Variants in SLC22A23 observed in about 807,000 individuals in gnomAD.
SLC22A23 encodes ion transporter protein.
In SLC22A23, 26 loss-of-function variants were observed where a neutral mutation model predicts 61.0. The ratio of observed to expected loss-of-function variants is 0.43; its 90% CI spans 0.31 to 0.59. The LOEUF is 0.59. Ranked by LOEUF, SLC22A23 falls within the 20% of genes least tolerant of loss-of-function variation. SLC22A23 has a pLI of 0.11. For missense variants in SLC22A23, 796 were observed against 934.7 expected, an observed-to-expected ratio of 0.85 and a Z score of 1.94; for synonymous variants, 430 against 413.9, an observed-to-expected ratio of 1.04 and a Z score of -0.47.
chr6:3,345,363 CTT>C lies in SLC22A23; in HGVS notation c.914-21363_914-21362del, dbSNP rs1163840651. ...AGTACCAGTAGTTTATATCTCTTTTCTTTTTTTTTTTTTTTTTTTGAGACAGA... is the reference window on the plus strand; with the variant it reads ...AGTACCAGTAGTTTATATCTCTTTTCTTTTTTTTTTTTTTTTTGAGACAGA... On this transcript the variant is annotated intron_variant, in intron 3 of 9. Coordinates refer to ENST00000406686, the MANE Select transcript of SLC22A23 (RefSeq NM_015482.2). Among the ~76,000 whole-genome samples, 611 of 124,738 alleles carry C rather than the reference CTT, an allele frequency of 4.9e-3. 1 individual carries two copies. Among genetic ancestry groups the C allele is most frequent in the African/African-American group, 0.017 (556 of 32,432 alleles). The allele number at this position is 124,738 out of a possible 152,430, so 81.8% of individuals were successfully genotyped here.
chr6:3,442,781 T>C (rs6926147), intron 1 of SLC22A23, among the ~76,000 whole-genome samples: 81,712 of 151,674 alleles, frequency 0.54, 22,308 homozygotes, highest in Middle Eastern at 0.74. Context: ...TTGAATTAAA[T>C]TACATAAAGG....
At chr6:3,407,112 G>T (rs1768892988) in intron 3 of SLC22A23, among the ~76,000 whole-genome samples, 1 of 152,196 alleles carries the variant, frequency 6.6e-6, no homozygotes, top group East Asian at 1.9e-4. Flanking sequence ...AAACCTTATG[G>T]TTGGAGGAAG....
intron 1 of SLC22A23, among the ~76,000 whole-genome samples, chr6:3,443,703 C>T (rs1253199839): frequency 6.6e-6 from 1 of 152,152 alleles, no homozygotes; most frequent in Non-Finnish European, 1.5e-5. Context: ...CCCAGCCCTG[C>T]GTAACCTCAC....
intron 3 of SLC22A23, among the ~76,000 whole-genome samples, chr6:3,393,134 G>A (rs931891420): frequency 2.0e-5 from 3 of 152,208 alleles, no homozygotes; most frequent in African/African-American, 7.2e-5. Flanking sequence ...GACCAAGCCT[G>A]TGGCAGCCTG....
chr6:3,382,670 C>G (rs1238670613), intron 3 of SLC22A23, among the ~76,000 whole-genome samples: 11 of 152,266 alleles, frequency 7.2e-5, no homozygotes, highest in African/African-American at 2.6e-4. Context: ...ATTGTAACAC[C>G]CATTTGTTTA....
intron 3 of SLC22A23, among the ~76,000 whole-genome samples, chr6:3,403,583 G>A (rs755456422): frequency 2.0e-5 from 3 of 152,140 alleles, no homozygotes; most frequent in South Asian, 2.1e-4. Flanking sequence ...TGGCGCAGCA[G>A]CCACACAGCG....
chr6:3,399,349 T>C (rs1768224915), intron 3 of SLC22A23, among the ~76,000 whole-genome samples: 1 of 152,160 alleles, frequency 6.6e-6, no homozygotes, highest in Admixed American at 6.5e-5. Context: ...GAACTGTTTT[T>C]CCCCCAGAAG....
rs566660150 is a variant in SLC22A23 at position 3,269,677 on chromosome 6, G to A, written c.*3378C>T. Reference sequence around the variant, plus strand: ...CTCAAGGACAGGGAGGGAAGTGTTCGCCGCTAGACATGACACACCATACTG... The same window carrying A: ...CTCAAGGACAGGGAGGGAAGTGTTCACCGCTAGACATGACACACCATACTG... On this transcript the variant is annotated 3_prime_UTR_variant, in exon 10 of 10. Transcript: ENST00000406686. 3.9e-5 allele frequency: 6 copies of A among 152,854 alleles called. No homozygotes were observed. Among genetic ancestry groups the A allele is most frequent in the South Asian group, 2.1e-4 (1 of 4,824 alleles). The allele number at this position is 152,854 out of a possible 1,614,324, so 9.5% of individuals were successfully genotyped here.
At position 3,297,583 on chromosome 6, in the gene SLC22A23, G is replaced by A. The variant is rs888299870; in HGVS notation, c.1210+508C>T. On this transcript the variant is annotated intron_variant, in intron 5 of 9. Transcript: ENST00000406686. This position sits in a 1 kb window ranked among gnomAD's most constrained non-coding sequence, Gnocchi z 4.3. ...AGAACCCCCACCTAGCTGTGGTAAC[G>A]CTCCTGACACGCAGGAATTCTATGG... Among the ~76,000 whole-genome samples the A allele has an allele frequency of 1.8e-4, 28 of 152,148 alleles. No homozygotes were observed. The highest frequency in any genetic ancestry group is 4.8e-4 in the African/African-American group (20 of 41,424).
intron 4 of SLC22A23, among the ~76,000 whole-genome samples, chr6:3,310,829 G>A (rs943057598): frequency 6.6e-5 from 10 of 152,284 alleles, no homozygotes; most frequent in African/African-American, 1.9e-4. Flanking sequence ...TGAGACGCAC[G>A]TCTACCCTCT....
chr6:3,275,116 TATATATCA>T (rs1429727667), intron 9 of SLC22A23, among the ~76,000 whole-genome samples: 7 of 152,250 alleles, frequency 4.6e-5, no homozygotes, highest in Admixed American at 1.3e-4. Context: ...GGTGTTGGTG[TATATATCA>T]ATAGATCAAT....
chr6:3,314,289 G>A (rs1344003697), intron 4 of SLC22A23, among the ~76,000 whole-genome samples: 2 of 152,216 alleles, frequency 1.3e-5, no homozygotes, highest in Non-Finnish European at 2.9e-5. Flanking sequence ...CGCTTGCCCG[G>A]CATTCCAGGT....
At chr6:3,321,395 T>C (rs1471784202) in intron 4 of SLC22A23, among the ~76,000 whole-genome samples, 1 of 150,952 alleles carries the variant, frequency 6.6e-6, no homozygotes, top group Non-Finnish European at 1.5e-5. Context: ...TGCACACACG[T>C]ACACATACAT....
chr6:3,340,902 A>G (rs982200858), intron 3 of SLC22A23, among the ~76,000 whole-genome samples: 2 of 152,214 alleles, frequency 1.3e-5, no homozygotes, highest in African/African-American at 4.8e-5. Context: ...CTTCAAGCTT[A>G]TGCTCCTTCT....
At chr6:3,405,449 C>T (rs1404817559) in intron 3 of SLC22A23, among the ~76,000 whole-genome samples, 3 of 151,934 alleles carry the variant, frequency 2.0e-5, no homozygotes, top group African/African-American at 4.8e-5. Flanking sequence ...AAGAGACGAC[C>T]GAGCACGTAT....
At chr6:3,351,104 G>A (rs1302072408) in intron 3 of SLC22A23, among the ~76,000 whole-genome samples, 1 of 152,174 alleles carries the variant, frequency 6.6e-6, no homozygotes, top group Non-Finnish European at 1.5e-5. Context: ...ACCCATGTGA[G>A]ATGAAAAGTA....
chr6:3,304,935 T>C lies in SLC22A23; in HGVS notation c.1083-6717A>G, dbSNP rs773882535. On this transcript the variant is annotated intron_variant, in intron 4 of 9. Coordinates refer to ENST00000406686, the MANE Select transcript of SLC22A23 (RefSeq NM_015482.2). This position sits in a 1 kb window ranked among gnomAD's most constrained non-coding sequence, Gnocchi z 4.3. ...AGGGAGTGGAAGATCCTGAGTGTTATGGGCTCTGATGAGCAGCAGCCACGG... is the reference window on the plus strand; with the variant it reads ...AGGGAGTGGAAGATCCTGAGTGTTACGGGCTCTGATGAGCAGCAGCCACGG... Among the ~76,000 whole-genome samples the C allele has an allele frequency of 1.8e-4, 27 of 152,046 alleles. No individual in the cohort carries two copies. The highest frequency in any genetic ancestry group is 3.1e-4 in the Non-Finnish European group (21 of 67,990).
chr6:3,408,095 G>A (rs1047741283), intron 3 of SLC22A23, among the ~76,000 whole-genome samples: 25 of 152,196 alleles, frequency 1.6e-4, no homozygotes, highest in Admixed American at 1.2e-3. Flanking sequence ...CTGCTTTCAG[G>A]CTACAATGGC....
chr6:3,396,757 G>C (rs1042426042), intron 3 of SLC22A23, among the ~76,000 whole-genome samples: 6 of 152,200 alleles, frequency 3.9e-5, no homozygotes, highest in Non-Finnish European at 7.3e-5. Flanking sequence ...AGTCGGAGAA[G>C]AGCGAGGCTG....
Sources: allele counts gnomAD v4.1 joint callset (sites outside exome capture counted in the v4.1 genomes callset), GRCh38; gene constraint gnomAD v4.1.1; non-coding constraint Gnocchi (gnomAD v3.1); transcripts MANE v1.5; gene names NCBI Gene and HGNC (gene_info 2026-07-23, HGNC 2026-07-21).